The following TSPAN1 variants were observed in gnomAD, a reference collection of about 807,000 sequenced individuals.
The protein encoded by TSPAN1 is tetraspanin-1.
Under a neutral mutation model 26.9 loss-of-function variants are expected in TSPAN1, and 23 were observed. The ratio of observed to expected loss-of-function variants is 0.85; its 90% CI spans 0.62 to 1.21. The LOEUF is 1.21. Ranked by LOEUF, TSPAN1 falls within the 50% of genes most tolerant of loss-of-function variation. The pLI, the probability that TSPAN1 is intolerant of heterozygous loss-of-function variation, is 0.00. For synonymous variants in TSPAN1, 115 were observed against 114.8 expected (o/e 1.00, Z -0.01); for missense variants, 283 against 298.4 (o/e 0.95, Z 0.38).
At chr1:46,194,349 G>A in the TSPAN1 span, 3 of 1,614,236 alleles carry the variant, frequency 1.9e-6, no homozygotes, top group East Asian at 6.7e-5. Flanking sequence ...CTTTGCTGCA[G>A]AAGCGCCGGC....
the TSPAN1 span, chr1:46,191,883 A>G: frequency 3.4e-6 from 2 of 595,664 alleles, no homozygotes; most frequent in South Asian, 1.8e-5. Context: ...ATCCACCCGC[A>G]TCGGCCTCCC....
At chr1:46,190,113 T>C, downstream of TSPAN1, 1 of 1,214,452 alleles carries the variant, frequency 8.2e-7, no homozygotes, top group South Asian at 1.5e-5. Flanking sequence ...TTTTTTTTTT[T>C]TTTGAGATGG....
chr1:46,194,666 G>A, the TSPAN1 span: 1 of 1,614,262 alleles, frequency 6.2e-7, no homozygotes, highest in Non-Finnish European at 8.5e-7. Context: ...CAGGAGGCAG[G>A]AATGAGGGCC....
chr1:46,187,230 G>A (rs144570651), downstream of TSPAN1, among the ~76,000 whole-genome samples: 5 of 152,182 alleles, frequency 3.3e-5, no homozygotes, highest in Admixed American at 6.5e-5. Context: ...GCCTAGATTT[G>A]GGCCCAGAAC....
downstream of TSPAN1, chr1:46,188,997 T>C: frequency 6.2e-7 from 1 of 1,602,398 alleles, no homozygotes. Context: ...AGTGAGGGTA[T>C]TCAAAGGGCA....
chr1:46,185,426 G>A, intron 8 of TSPAN1, 60 bp from the exon 9 acceptor site: 2 of 1,610,978 alleles, frequency 1.2e-6, no homozygotes, highest in South Asian at 1.1e-5. Flanking sequence ...GGGTGTCTGT[G>A]GGACAGGCTT....
At chr1:46,192,741 G>C in the TSPAN1 span, 1 of 1,593,488 alleles carries the variant, frequency 6.3e-7, no homozygotes, top group Non-Finnish European at 8.6e-7. Context: ...TTCATCCACT[G>C]TACCTTCAAC....
chr1:46,182,486 G>A (rs1044402196), intron 3 of TSPAN1, among the ~76,000 whole-genome samples: 9 of 151,826 alleles, frequency 5.9e-5, no homozygotes, highest in African/African-American at 2.2e-4. Context: ...GAGGCGGGCA[G>A]ATTAGTTGAG....
downstream of TSPAN1, chr1:46,188,865 C>A (rs780383258): frequency 1.2e-6 from 2 of 1,612,882 alleles, no homozygotes; most frequent in Admixed American, 3.3e-5. Flanking sequence ...TGAGTAAGAG[C>A]CAGCCCCACC....
At chr1:46,189,641 C>T (rs1571646907), downstream of TSPAN1, 2 of 1,560,808 alleles carry the variant, frequency 1.3e-6, no homozygotes, top group Admixed American at 3.9e-5. Flanking sequence ...ACCCTTTGGC[C>T]CAGCCCCCAC....
intron 1 of TSPAN1, among the ~76,000 whole-genome samples, chr1:46,179,173 T>G (rs1273152644): frequency 1.3e-5 from 2 of 151,588 alleles, no homozygotes; most frequent in African/African-American, 4.8e-5. Flanking sequence ...AAAAAAAAAT[T>G]TGCTTGAGTG....
intron 3 of TSPAN1, among the ~76,000 whole-genome samples, chr1:46,182,303 G>GAAAAA (rs1557664937): frequency 4.1e-4 from 1 of 2,414 alleles, no homozygotes; most frequent in Non-Finnish European, 0.01. Context: ...TTAGGGATAA[G>GAAAAA]CAAAAAAAAA....
At chr1:46,188,563 C>T (rs1657496921), downstream of TSPAN1, 1 of 1,348,314 alleles carries the variant, frequency 7.4e-7, no homozygotes, top group African/African-American at 1.5e-5. Flanking sequence ...CAAATGGCCC[C>T]AAATGGAAGA....
the TSPAN1 span, chr1:46,191,470 T>A: frequency 4.3e-5 from 8 of 186,500 alleles, 1 homozygote; most frequent in Admixed American, 2.1e-4. Flanking sequence ...GGACCAGTAC[T>A]TAGAGGCAGA....
the TSPAN1 span, chr1:46,192,985 C>G: frequency 2.2e-5 from 36 of 1,613,818 alleles, no homozygotes; most frequent in Non-Finnish European, 3.1e-5. Flanking sequence ...ACATCATGGT[C>G]CCAAAGGGGT....
chr1:46,195,708 C>T, the TSPAN1 span: 1 of 1,076,682 alleles, frequency 9.3e-7, no homozygotes, highest in Non-Finnish European at 1.4e-6. Context: ...AACCTTCCTT[C>T]AGAGAATCTT....
chr1:46,195,673 T>G, the TSPAN1 span: 4 of 819,356 alleles, frequency 4.9e-6, no homozygotes, highest in African/African-American at 6.8e-5. Flanking sequence ...AATACAAATG[T>G]TAAGGCTGAG....
rs1162242594 is a variant in TSPAN1 at position 46,176,470 on chromosome 1, A to G, written c.-142+1061A>G. The G allele has an allele frequency of 9.1e-6, 14 of 1,535,652 alleles. No individual in the cohort carries two copies. The East Asian group carries it at 2.2e-4, about 24-fold the overall frequency. On this transcript the variant is annotated intron_variant, in intron 1 of 8. Coordinates refer to ENST00000372003, the MANE Select transcript of TSPAN1 (RefSeq NM_005727.4). ...GCCACGGACAAGCCGAGATGGCCCC[A>G]TGGGCACAGGGAGCTTCTGCAGTGT...
downstream of TSPAN1, among the ~76,000 whole-genome samples, chr1:46,186,557 C>G (rs563108159): frequency 1.6e-3 from 226 of 141,570 alleles, 1 homozygote; most frequent in African/African-American, 5.4e-3. Context: ...ATGGTGTGAT[C>G]TCGGCTCACT....
Sources: gnomAD v4.1 joint callset for allele counts (sites outside exome capture counted in the v4.1 genomes callset) on GRCh38, gnomAD v4.1.1 for gene constraint, MANE v1.5 for transcripts, NCBI Gene and HGNC (gene_info 2026-07-23, HGNC 2026-07-21) for gene names.